DARS1: variants seen among roughly 807,000 people sequenced by gnomAD.
DARS1 encodes the protein aspartyl-tRNA synthetase 1.
In DARS1, 51 loss-of-function variants were observed where a neutral mutation model predicts 68.8. That is an observed-to-expected ratio of 0.74 (90% CI 0.59 to 0.94). The LOEUF (loss-of-function observed/expected upper bound fraction) is 0.94. Ranked by LOEUF, DARS1 falls within the 40% of genes least tolerant of loss-of-function variation. DARS1 has a pLI of 0.00. For missense variants in DARS1, 607 were observed against 597.3 expected (o/e 1.02, Z -0.17); for synonymous variants, 203 against 190.4 (o/e 1.07, Z -0.55).
chr2:135,954,325 C>CAAAAAAAAAAAAAA (rs1172207033), intron 4 of DARS1, among the ~76,000 whole-genome samples: 13 of 81,374 alleles, frequency 1.6e-4, no homozygotes, highest in Admixed American at 2.6e-4. Context: ...AAAACAAAAC[C>CAAAAAAAAAAAAAA]AAAAAAAAAA....
intron 5 of DARS1, among the ~76,000 whole-genome samples, chr2:135,938,084 T>G (rs1198723374): frequency 6.6e-6 from 1 of 152,226 alleles, no homozygotes; most frequent in Non-Finnish European, 1.5e-5. Flanking sequence ...GAAGAGTGTT[T>G]TCCAACTTGG....
At chr2:135,967,001 T>C (rs548033476) in intron 3 of DARS1, among the ~76,000 whole-genome samples, 1 of 152,308 alleles carries the variant, frequency 6.6e-6, no homozygotes, top group South Asian at 2.1e-4. Context: ...ACAAACATGG[T>C]AGGTAGTTAG....
intron 7 of DARS1, among the ~76,000 whole-genome samples, chr2:135,927,160 G>A (rs1175896563): frequency 6.6e-6 from 1 of 152,054 alleles, no homozygotes; most frequent in Non-Finnish European, 1.5e-5. Flanking sequence ...ACTTCTACAC[G>A]TGTGTAAGAA....
chr2:135,975,067 G>A (rs111956746), intron 3 of DARS1, among the ~76,000 whole-genome samples: 4,424 of 152,160 alleles, frequency 0.029, 191 homozygotes, highest in African/African-American at 0.091. Flanking sequence ...TGATGCGGCC[G>A]GGCATAGTGG....
rs559371121 is a variant in DARS1, at chr2:135,948,871, C to A, written c.321-5391G>T. ...GGTGACAAAGCGAGACTCCGTCTCC[C>A]GTCTCCAAAAAAAAAAAAAAAGTTA... On this transcript the variant is annotated intron_variant, in intron 4 of 15. Coordinates refer to ENST00000264161, the MANE Select transcript of DARS1 (RefSeq NM_001349.4). Among the ~76,000 whole-genome samples the A allele has an allele frequency of 7.1e-5, 9 of 127,608 alleles. No individual in the cohort carries two copies. The East Asian group carries it at 2.2e-3, about 31-fold the overall frequency. The allele number at this position is 127,608 out of a possible 152,430, so 83.7% of individuals were successfully genotyped here.
At chr2:135,907,665 C>T (rs755922416) in intron 15 of DARS1, among the ~76,000 whole-genome samples, 3 of 152,094 alleles carry the variant, frequency 2.0e-5, no homozygotes, top group South Asian at 2.1e-4. Flanking sequence ...AAAATCTATA[C>T]GAATGAACAA....
intron 7 of DARS1, among the ~76,000 whole-genome samples, chr2:135,925,946 G>GTTCAACTA (rs1385708862): frequency 5.3e-5 from 8 of 152,140 alleles, no homozygotes; most frequent in Non-Finnish European, 1.2e-4. Context: ...CTCTTAGCTA[G>GTTCAACTA]TTCAACTAAA....
intron 5 of DARS1, among the ~76,000 whole-genome samples, chr2:135,941,411 G>A (rs1201296225): frequency 3.3e-5 from 5 of 152,090 alleles, no homozygotes; most frequent in African/African-American, 4.8e-5. Flanking sequence ...AATGGGGAAA[G>A]GATTCCCTAT....
chr2:135,985,232 G>A (rs1420528711), intron 1 of DARS1, 171 bp downstream of exon 1: 6 of 1,098,612 alleles, frequency 5.5e-6, no homozygotes, highest in African/African-American at 3.2e-5. Context: ...GTCCGGAGAG[G>A]GTCTGGCCCC....
At chr2:135,949,024 C>A (rs1681785446) in intron 4 of DARS1, among the ~76,000 whole-genome samples, 1 of 152,006 alleles carries the variant, frequency 6.6e-6, no homozygotes, top group African/African-American at 2.4e-5. Context: ...GAGAAACATA[C>A]TTGTGACTCA....
intron 3 of DARS1, among the ~76,000 whole-genome samples, chr2:135,970,188 G>A (rs1300651233): frequency 2.7e-5 from 4 of 146,586 alleles, no homozygotes; most frequent in African/African-American, 7.7e-5. Flanking sequence ...GCTGCAGTGC[G>A]CTGCAATCAT....
chr2:135,927,721 A>G (rs1225563633), intron 7 of DARS1, among the ~76,000 whole-genome samples: 1 of 152,190 alleles, frequency 6.6e-6, no homozygotes, highest in East Asian at 1.9e-4. Context: ...ATTTTTCTAC[A>G]CTTAAAAAAA....
chr2:135,919,531 T>C (rs1199153740), intron 10 of DARS1, among the ~76,000 whole-genome samples: 1 of 152,238 alleles, frequency 6.6e-6, no homozygotes, highest in Non-Finnish European at 1.5e-5. Flanking sequence ...ATAGCTTACC[T>C]AATACTTGAA....
Position 135,952,284 on chromosome 2 carries a change from T to C in DARS1, c.321-8804A>G, listed in dbSNP as rs190191287. On this transcript the variant is annotated intron_variant, in intron 4 of 15. Transcript: ENST00000264161. ...TATGCCATTAATGAAGTTTTTTTTT[T>C]TAAATTGACACATAATTGTACATAT... Among the ~76,000 whole-genome samples the C allele has an allele frequency of 4.0e-3, 616 of 152,204 alleles. 8 individuals carry two copies. In the Middle Eastern group the frequency reaches 0.048, roughly 12 times the overall value.
chr2:135,977,614 A>G (rs1358544220), intron 3 of DARS1, among the ~76,000 whole-genome samples: 3 of 152,226 alleles, frequency 2.0e-5, no homozygotes, highest in Admixed American at 6.5e-5. Flanking sequence ...GACTATTGGC[A>G]GAATAAATGG....
intron 2 of DARS1, among the ~76,000 whole-genome samples, chr2:135,980,078 G>C (rs1436881272): frequency 1.3e-5 from 2 of 152,202 alleles, no homozygotes; most frequent in Non-Finnish European, 2.9e-5. Flanking sequence ...AAGGCCTGTA[G>C]ATGCTTCCTG....
At chr2:135,983,106 C>T (rs897638147) in intron 2 of DARS1, among the ~76,000 whole-genome samples, 4 of 152,110 alleles carry the variant, frequency 2.6e-5, no homozygotes, top group Non-Finnish European at 4.4e-5. Context: ...TCCTAGACAA[C>T]GGTTGAATCT....
At chr2:135,979,424 C>G (rs1241801936) in intron 2 of DARS1, 58 bp from the exon 3 acceptor site, 1 of 812,818 alleles carries the variant, frequency 1.2e-6, no homozygotes, top group Non-Finnish European at 2.1e-6. Context: ...TCAGAATTTA[C>G]AAAGAGATCA....
chr2:135,985,586 A>C lies in DARS1; in HGVS notation c.-118T>G. 7.1e-6 allele frequency: 11 copies of C among 1,553,590 alleles called. No homozygotes were observed. Among genetic ancestry groups the C allele is most frequent in the Non-Finnish European group, 8.7e-6 (10 of 1,145,700 alleles). On this transcript the variant is annotated 5_prime_UTR_variant, in exon 1 of 16. Transcript: ENST00000264161. ...CCTCCCGACCCTGGGGTCTCAGCAC[A>C]CGCGCTCGGACTCCGCGTGGAGGTG... is the stretch of plus-strand genomic sequence containing the variant.
Sources: gnomAD v4.1 joint callset for allele counts (sites outside exome capture counted in the v4.1 genomes callset) on GRCh38, gnomAD v4.1.1 for gene constraint, MANE v1.5 for transcripts, NCBI Gene and HGNC (gene_info 2026-07-23, HGNC 2026-07-21) for gene names.